Variants in ZBED6 observed in about 807,000 individuals in gnomAD.
ZBED6 encodes the protein zinc finger BED-type containing 6, also known as zinc finger BED domain-containing protein 6.
In ZBED6, 40 loss-of-function variants were observed where a neutral mutation model predicts 58.4. The observed-to-expected ratio is 0.68, with a 90% CI of 0.53 to 0.89. The LOEUF is 0.89. Ranked by LOEUF, ZBED6 falls within the 40% of genes least tolerant of loss-of-function variation. ZBED6 has a pLI of 0.00. For synonymous variants in ZBED6, 439 were observed against 350.6 expected (o/e 1.25, Z -2.82); for missense variants, 1,057 against 1,003.9 (o/e 1.05, Z -0.71).
Position 203,824,818 on chromosome 1 carries a change from G to A in ZBED6, c.*2874-3481G>A, listed in dbSNP as rs150426535. On this transcript the variant is annotated intron_variant, in intron 3 of 16. Coordinates refer to ENST00000550078, the Ensembl canonical transcript of ZBED6. ...TGTTAGGCCGGACACGGTGGCTCAC[G>A]CCTGTAATCCCAGCACTTTGGGAGG... is the stretch of plus-strand genomic sequence containing the variant. 1.8e-3 allele frequency among the ~76,000 whole-genome samples: 279 copies of A among 152,262 alleles called. 7 individuals are homozygous for A. The East Asian group carries it at 0.043, about 23-fold the overall frequency.
rs375935326 is a variant in ZBED6, at chr1:203,851,934, A to C, written c.*4874-207A>C. 3.0e-5 allele frequency among the ~76,000 whole-genome samples: 4 copies of C among 131,476 alleles called. No homozygotes were observed. The East Asian group carries it at 9.6e-4, about 32-fold the overall frequency. 86.3% of individuals were successfully genotyped at this position (131,476 alleles called of 152,430 possible). On this transcript the variant is annotated intron_variant, in intron 16 of 16. Transcript: ENST00000550078. ...CAGTGAGCCATGATTGTACCACTAC[A>C]CTCCAGCCTGGGTGACAAAGGGAGA...
At chr1:203,838,876 C>T (rs1685178252) in intron 10 of ZBED6, among the ~76,000 whole-genome samples, 1 of 149,904 alleles carries the variant, frequency 6.7e-6, no homozygotes, top group African/African-American at 2.5e-5. Flanking sequence ...TTGTGTGAAC[C>T]TGGAAGGCGG....
chr1:203,819,529 A>ATTTTTTTTTTTTTTTTTTTTTTTT (rs755259647), intron 3 of ZBED6, among the ~76,000 whole-genome samples: 2 of 72,878 alleles, frequency 2.7e-5, no homozygotes, highest in East Asian at 7.2e-4. Flanking sequence ...GCTGACTCCA[A>ATTTTTTTTTTTTTTTTTTTTTTTT]TTTTTTTTTT....
chr1:203,802,430 ATATG>A (rs1469236192), exon 1 of ZBED6: 3 of 152,498 alleles, frequency 2.0e-5, no homozygotes, highest in Admixed American at 2.0e-4. Flanking sequence ...ATTTTTGTGT[ATATG>A]TGTGTGTGTA....
intron 4 of ZBED6, among the ~76,000 whole-genome samples, chr1:203,828,774 A>T (rs1308141750): frequency 1.3e-5 from 2 of 152,216 alleles, no homozygotes; most frequent in African/African-American, 4.8e-5. Context: ...AGCCTTGCCC[A>T]TTCATTTACA....
chr1:203,833,925 C>G (rs946424350), intron 9 of ZBED6, 72 bp downstream of exon 9: 1 of 1,529,196 alleles, frequency 6.5e-7, no homozygotes, highest in African/African-American at 1.4e-5. Flanking sequence ...TCTCCAAACT[C>G]TTTTTATACA....
chr1:203,811,254 G>T (rs555284818), intron 1 of ZBED6, among the ~76,000 whole-genome samples: 1 of 152,160 alleles, frequency 6.6e-6, no homozygotes, highest in South Asian at 2.1e-4. Context: ...GTTGCAGTCA[G>T]CTGAGGTCGT....
At chr1:203,833,622 T>A (rs993226209) in intron 8 of ZBED6, among the ~76,000 whole-genome samples, 169 bp from the exon 9 acceptor site, 1 of 148,224 alleles carries the variant, frequency 6.7e-6, no homozygotes, top group Non-Finnish European at 1.5e-5. Flanking sequence ...GTTTGGGTTT[T>A]TTTTTTTTTT....
intron 9 of ZBED6, chr1:203,835,968 G>A (rs1684202633): frequency 1.2e-5 from 2 of 167,896 alleles, no homozygotes; most frequent in African/African-American, 2.4e-5. Context: ...AAGATGGTGG[G>A]GAGAGCTAAG....
intron 11 of ZBED6, among the ~76,000 whole-genome samples, chr1:203,842,797 G>C (rs757256344): frequency 6.6e-6 from 1 of 151,320 alleles, no homozygotes; most frequent in Non-Finnish European, 1.5e-5. Flanking sequence ...GGGTATTGAG[G>C]TTTTCTTTAT....
chr1:203,801,603 T>C (rs1366244971), exon 1 of ZBED6: 1 of 152,600 alleles, frequency 6.6e-6, no homozygotes, highest in African/African-American at 2.4e-5. Context: ...CCCAAAAAAT[T>C]CCTGGAAAAT....
At chr1:203,798,377 T>C (rs1571862896) in exon 1 of ZBED6, 2 of 1,534,442 alleles carry the variant, frequency 1.3e-6, no homozygotes, top group East Asian at 4.9e-5. Flanking sequence ...GAGCTGTGTG[T>C]AATATATGTA....
intron 11 of ZBED6, among the ~76,000 whole-genome samples, chr1:203,846,670 A>C (rs1200298868): frequency 2.0e-5 from 3 of 152,210 alleles, no homozygotes; most frequent in Non-Finnish European, 4.4e-5. Flanking sequence ...CCATAAGTTA[A>C]TGAAGAATTT....
At chr1:203,850,646 G>A (rs1689032900) in exon 15 of ZBED6, 1 of 1,614,038 alleles carries the variant, frequency 6.2e-7, no homozygotes, top group Admixed American at 1.7e-5. Context: ...CTCCAGCAGT[G>A]TCCTACAGGA....
At chr1:203,852,015 A>G in intron 16 of ZBED6, 126 bp from the exon 17 acceptor site, 1 of 921,152 alleles carries the variant, frequency 1.1e-6, no homozygotes, top group South Asian at 1.9e-5. Context: ...CAAATCAGTA[A>G]AAGAATTATT....
At chr1:203,827,637 G>C (rs868233856) in intron 3 of ZBED6, among the ~76,000 whole-genome samples, 7 of 150,654 alleles carry the variant, frequency 4.6e-5, no homozygotes, top group African/African-American at 1.5e-4. Flanking sequence ...AGCGGAGATC[G>C]CGCCACTGCA....
chr1:203,819,709 T>C (rs939869002), intron 3 of ZBED6, among the ~76,000 whole-genome samples: 4 of 150,482 alleles, frequency 2.7e-5, no homozygotes, highest in African/African-American at 9.8e-5. Context: ...TAATTCTGTA[T>C]TTTTAGTAGA....
At chr1:203,847,839 T>C in intron 12 of ZBED6, 152 bp downstream of exon 12, 1 of 1,135,246 alleles carries the variant, frequency 8.8e-7, no homozygotes. Flanking sequence ...AGTAGTGCTA[T>C]GTAGACCTAT....
exon 17 of ZBED6, chr1:203,852,172 G>C: frequency 6.2e-7 from 1 of 1,613,334 alleles, no homozygotes; most frequent in Non-Finnish European, 8.5e-7. Context: ...GTCCTCTTCA[G>C]ATTCCTCACC....
Sources: allele counts gnomAD v4.1 joint callset (sites outside exome capture counted in the v4.1 genomes callset), GRCh38; gene constraint gnomAD v4.1.1; transcripts MANE v1.5; gene names NCBI Gene and HGNC (gene_info 2026-07-23, HGNC 2026-07-21).